The following CHD5 variants were observed in gnomAD, a reference collection of about 807,000 sequenced individuals.
The protein encoded by CHD5 is ATP-dependent chromatin remodeler CHD5.
A neutral mutation model predicts 230.3 loss-of-function variants in CHD5; 69 were observed. That is an observed-to-expected ratio of 0.30 (90% confidence interval 0.25 to 0.37). CHD5 has a LOEUF of 0.37. Ranked by LOEUF, CHD5 falls within the 10% of genes least tolerant of loss-of-function variation. CHD5 has a pLI of 1.00. For missense variants in CHD5, 1,827 were observed against 2,622.8 expected, an observed-to-expected ratio of 0.70 and a Z score of 6.63; for synonymous variants, 1,064 against 1,065.9, an observed-to-expected ratio of 1.00 and a Z score of 0.03.
chr1:6,156,998 T>C (rs978810588), intron 3 of CHD5, among the ~76,000 whole-genome samples: 12 of 152,206 alleles, frequency 7.9e-5, no homozygotes, highest in Non-Finnish European at 1.0e-4. Context: ...ATCTGTAAAA[T>C]GGAGATAATG....
At chr1:6,158,144 C>T (rs936246693) in intron 3 of CHD5, among the ~76,000 whole-genome samples, 4 of 152,236 alleles carry the variant, frequency 2.6e-5, no homozygotes, top group African/African-American at 9.6e-5. Context: ...ACCAACCTCA[C>T]CCCTGGCCTC....
At chr1:6,127,990 G>C in intron 25 of CHD5, 56 bp downstream of exon 25, 3 of 1,425,166 alleles carry the variant, frequency 2.1e-6, no homozygotes, top group Non-Finnish European at 1.9e-6. Flanking sequence ...ACAGTGGGGG[G>C]CGGGGCTGCG....
At chr1:6,145,730 C>T (rs35936630) in intron 11 of CHD5, among the ~76,000 whole-genome samples, 1 of 152,254 alleles carries the variant, frequency 6.6e-6, no homozygotes, top group Non-Finnish European at 1.5e-5. Context: ...CCCAGCTCCA[C>T]CCCGTGGCTG....
intron 1 of CHD5, among the ~76,000 whole-genome samples, chr1:6,171,672 G>A (rs1217114805): frequency 6.6e-6 from 1 of 152,248 alleles, no homozygotes; most frequent in African/African-American, 2.4e-5. Flanking sequence ...CCCAGCCTGT[G>A]CCCTTGAGCC....
chr1:6,122,130 GT>G (rs535805225), intron 31 of CHD5, among the ~76,000 whole-genome samples: 27 of 152,188 alleles, frequency 1.8e-4, no homozygotes, highest in Middle Eastern at 6.3e-3. Flanking sequence ...ACCAAGATGT[GT>G]CCACCTCCAA....
chr1:6,108,423 G>A (rs1005490357), intron 38 of CHD5, among the ~76,000 whole-genome samples: 1 of 148,056 alleles, frequency 6.8e-6, no homozygotes, highest in African/African-American at 2.5e-5. Context: ...TGGAGAGATG[G>A]AAGGATGGAG....
intron 1 of CHD5, among the ~76,000 whole-genome samples, chr1:6,179,438 C>G (rs1168531043): frequency 6.6e-6 from 1 of 152,108 alleles, no homozygotes; most frequent in African/African-American, 2.4e-5. Context: ...GCGCTCAACG[C>G]GTCCCCAAGC....
chr1:6,135,474 T>A, intron 17 of CHD5, 71 bp from the exon 18 acceptor site: 1 of 1,387,502 alleles, frequency 7.2e-7, no homozygotes, highest in Non-Finnish European at 9.8e-7. Flanking sequence ...GCAGAGCGCC[T>A]AGCCCATGTA....
At chr1:6,152,594 C>A in intron 5 of CHD5, 58 bp from the exon 6 acceptor site, 1 of 1,608,508 alleles carries the variant, frequency 6.2e-7, no homozygotes, top group Admixed American at 1.7e-5. Context: ...CTGCTTCCTG[C>A]CATCATCTCA....
Position 6,180,026 on chromosome 1 carries a change from C to A in CHD5, c.-3G>T. On this transcript the variant is annotated 5_prime_UTR_variant, in exon 1 of 42. Coordinates refer to ENST00000262450, the MANE Select transcript of CHD5 (RefSeq NM_015557.3). Reference sequence around the variant, plus strand: ...TCGGTGCCCACTGGGCCCCGCATGCCCGGCGCGGGGAGGAGGGGAGGTGGG... The same window carrying A: ...TCGGTGCCCACTGGGCCCCGCATGCACGGCGCGGGGAGGAGGGGAGGTGGG... 1 of 1,332,912 alleles carries A rather than the reference C, an allele frequency of 7.5e-7. No homozygotes were observed. The highest frequency in any genetic ancestry group is 2.7e-5 in the Admixed American group (1 of 36,826). 82.6% of individuals were successfully genotyped at this position (1,332,912 alleles called of 1,614,324 possible).
In CHD5 at chr1:6,127,907, G is replaced by T. The variant is rs1337795023; in HGVS notation, c.3903+139C>A. 1.3e-5 allele frequency: 9 copies of T among 715,558 alleles called. No homozygotes were observed. In the Admixed American group the frequency reaches 2.3e-4, roughly 18 times the overall value. 44.3% of individuals were successfully genotyped at this position (715,558 alleles called of 1,614,324 possible). ...GGCACAGCAGGGAGGGCGGGGCTGC[G>T]GCTGGAGGGCGGGGTCACAGCTTGG... On this transcript the variant is annotated intron_variant, in intron 25 of 41. Coordinates refer to ENST00000262450, the MANE Select transcript of CHD5 (RefSeq NM_015557.3).
rs767255983 is a variant in CHD5 at position 6,142,213 on chromosome 1, T to C, written c.2351A>G (p.Lys784Arg). 6.2e-7 allele frequency: 1 copy of C among 1,614,204 alleles called. No individual in the cohort carries two copies. The highest frequency in any genetic ancestry group is 8.5e-7 in the Non-Finnish European group (1 of 1,180,022). Reference sequence around the variant, plus strand: ...CTCCCGAATCACCGAGCGGCTCTCCTTGTCCCCCGTGTAGGTGACCACGTA... The same window carrying C: ...CTCCCGAATCACCGAGCGGCTCTCCCTGTCCCCCGTGTAGGTGACCACGTA... ...DFYVVTYTGD[K>R]ESRSVIRENE... Residue 784 changes from lysine to arginine, a missense_variant, in exon 15 of 42, where the codon AAG becomes AGG. Around this residue, in one of 14 missense-constraint regions of CHD5, gnomAD observed 80 missense variants for 96.4 expected, o/e 0.83. Coordinates refer to ENST00000262450, the MANE Select transcript of CHD5 (RefSeq NM_015557.3). The surrounding 1 kb of genome is among the most constrained non-coding windows in gnomAD (Gnocchi z 5.2).
At chr1:6,143,011 C>T (rs1414237958) in intron 13 of CHD5, among the ~76,000 whole-genome samples, 2 of 152,000 alleles carry the variant, frequency 1.3e-5, no homozygotes, top group Non-Finnish European at 2.9e-5. Context: ...CCATCTGGGG[C>T]ATTCGCAACG....
At chr1:6,122,268 T>A (rs1295947036) in intron 31 of CHD5, among the ~76,000 whole-genome samples, 2 of 152,196 alleles carry the variant, frequency 1.3e-5, no homozygotes, top group Non-Finnish European at 2.9e-5. Flanking sequence ...GGTATTTGCT[T>A]CACCCAAATA....
chr1:6,145,985 T>C (rs1401558816), intron 11 of CHD5, among the ~76,000 whole-genome samples: 1 of 152,150 alleles, frequency 6.6e-6, no homozygotes, highest in Non-Finnish European at 1.5e-5. Context: ...CACGTATGCA[T>C]GAGTGTGCCG....
chr1:6,132,880 T>TTCTCTCTCTCTCTCTCTCTCTCTCTCTC (rs111561200), intron 20 of CHD5, among the ~76,000 whole-genome samples: 1 of 144,428 alleles, frequency 6.9e-6, no homozygotes, highest in African/African-American at 2.6e-5. Flanking sequence ...TCCTATTCTT[T>TTCTCTCTCTCTCTCTCTCTCTCTCTCTC]TCTCTCTCTC....
chr1:6,161,544 G>A (rs940780810), intron 2 of CHD5, among the ~76,000 whole-genome samples: 19 of 152,314 alleles, frequency 1.2e-4, no homozygotes, highest in Admixed American at 3.3e-4. Context: ...TTGCTTTTCC[G>A]GAACCCGGGT....
chr1:6,174,342 G>A (rs1667385504), intron 1 of CHD5, among the ~76,000 whole-genome samples: 1 of 152,230 alleles, frequency 6.6e-6, no homozygotes, highest in Admixed American at 6.5e-5. Context: ...CCAGCTCAGA[G>A]AAGATATTCC....
intron 33 of CHD5, among the ~76,000 whole-genome samples, chr1:6,118,973 C>A (rs1666419748): frequency 6.6e-6 from 1 of 151,302 alleles, no homozygotes; most frequent in Non-Finnish European, 1.5e-5. Context: ...TCTGGGATTA[C>A]AGGTGTGAGC....
Sources: gnomAD v4.1 joint callset for allele counts (sites outside exome capture counted in the v4.1 genomes callset) on GRCh38, gnomAD v4.1.1 for gene constraint, gnomAD v4.1.1 regional missense constraint, Gnocchi (gnomAD v3.1) non-coding constraint, MANE v1.5 for transcripts, NCBI Gene and HGNC (gene_info 2026-07-23, HGNC 2026-07-21) for gene names.